Variants in EXOSC10 observed in about 807,000 individuals in gnomAD.
EXOSC10 encodes exosome component 10.
Under a neutral mutation model 126.6 loss-of-function variants are expected in EXOSC10, and 94 were observed. That is an observed-to-expected ratio of 0.74 (90% CI 0.63 to 0.88). The LOEUF (loss-of-function observed/expected upper bound fraction) is 0.88. Among genes scored for constraint, EXOSC10 ranks in the 40% least tolerant of loss-of-function variants. The pLI is 0.00. For synonymous variants in EXOSC10, 395 were observed against 400.8 expected, an observed-to-expected ratio of 0.99 and a Z score of 0.17; for missense variants, 1,041 against 1,100.5, an observed-to-expected ratio of 0.95 and a Z score of 0.77.
At chr1:11,086,147 G>C (rs1640482217) in intron 9 of EXOSC10, among the ~76,000 whole-genome samples, 2 of 151,338 alleles carry the variant, frequency 1.3e-5, no homozygotes, top group African/African-American at 4.9e-5. Context: ...AAATGAGTTA[G>C]GGAGGATTCC....
chr1:11,082,637 A>G, intron 10 of EXOSC10, 51 bp downstream of exon 10: 2 of 1,606,334 alleles, frequency 1.2e-6, no homozygotes, highest in Non-Finnish European at 1.7e-6. Context: ...CAGGTTAATG[A>G]ATAATCACTT....
chr1:11,066,855 G>A, intron 24 of EXOSC10, 107 bp from the exon 25 acceptor site: 1 of 1,379,346 alleles, frequency 7.2e-7, no homozygotes. Context: ...GAGGAAGAAT[G>A]GTTTGCTCAG....
rs919775002 is a variant in EXOSC10 at position 11,079,350 on chromosome 1, C to CA, written c.1749+360dup. Among the ~76,000 whole-genome samples the CA allele has an allele frequency of 1.6e-3, 221 of 134,996 alleles. 2 individuals carry two copies. Among genetic ancestry groups the CA allele is most frequent in the African/African-American group, 4.3e-3 (161 of 37,026 alleles). 88.6% of individuals were successfully genotyped at this position (134,996 alleles called of 152,430 possible). ...CTAAAAAAAACAAAAAACAAACAAA[C>CA]AAAAAAAAAACAGGCTTGCTAAGTT... is the stretch of plus-strand genomic sequence containing the variant. On this transcript the variant is annotated intron_variant, in intron 14 of 24. Coordinates refer to ENST00000376936, the MANE Select transcript of EXOSC10 (RefSeq NM_001001998.3).
chr1:11,070,610 CACA>C (rs749434658), intron 21 of EXOSC10: 14 of 317,188 alleles, frequency 4.4e-5, no homozygotes, highest in Non-Finnish European at 7.5e-5. Context: ...CAGCAGGACA[CACA>C]ACAAGCTTCA....
At chr1:11,066,962 G>A (rs1260996608) in intron 24 of EXOSC10, among the ~76,000 whole-genome samples, 1 of 152,200 alleles carries the variant, frequency 6.6e-6, no homozygotes, top group Admixed American at 6.5e-5. Context: ...CAAGTCCCCT[G>A]ACCTCAGGGT....
intron 6 of EXOSC10, among the ~76,000 whole-genome samples, chr1:11,089,222 T>TAAAAAAAAAAAAA (rs533212430): frequency 6.0e-5 from 3 of 49,712 alleles, no homozygotes; most frequent in African/African-American, 1.7e-4. Context: ...AGAGCAAAAC[T>TAAAAAAAAAAAAA]AAAAAAAAAA....
At chr1:11,077,011 G>T in intron 16 of EXOSC10, 63 bp from the exon 17 acceptor site, 1 of 1,357,978 alleles carries the variant, frequency 7.4e-7, no homozygotes, top group Non-Finnish European at 1.0e-6. Flanking sequence ...TTCTTTTTGA[G>T]ATGGAGTTTT....
At chr1:11,068,135 T>C in intron 23 of EXOSC10, 51 bp from the exon 24 acceptor site, 1 of 1,505,824 alleles carries the variant, frequency 6.6e-7, no homozygotes, top group Non-Finnish European at 9.2e-7. Context: ...GACCACAAGA[T>C]ACACAGAAAA....
At chr1:11,072,525 A>C (rs1417109366) in intron 19 of EXOSC10, 1 of 190,840 alleles carries the variant, frequency 5.2e-6, no homozygotes, top group East Asian at 1.4e-4. Context: ...AAATGACAGA[A>C]GCAGACTCAA....
rs775396880 is a variant in EXOSC10 at position 11,074,260 on chromosome 1, T to G, written c.2053A>C (p.Met685Leu). 1.9e-6 allele frequency: 3 copies of G among 1,614,120 alleles called. No individual in the cohort carries two copies. The South Asian group carries it at 3.3e-5, about 18-fold the overall frequency. ...TVAQKKAQNI[M>L]ESFENPFRMF... is the part of the protein sequence containing the mutation. ...CTAAATGGATTTTCAAAGGACTCCA[T>G]GATGTTCTGGGCTTTTTTCTGTGCA... The change falls in exon 18 of 25, where the codon ATG becomes CTG. Residue 685 changes from methionine (M) to leucine (L), a missense_variant. Physicochemically the swap from Met to Leu is conservative, Grantham distance 15. This residue lies in a region of EXOSC10 where 388 missense variants were observed against 415.2 expected (regional missense o/e 0.93). Transcript: ENST00000376936.
chr1:11,074,200 T>C (rs375285867), intron 18 of EXOSC10, 31 bp downstream of exon 18: 157 of 1,551,856 alleles, frequency 1.0e-4, no homozygotes, highest in Non-Finnish European at 1.3e-4. Flanking sequence ...TCTCTGCATA[T>C]CCTGTCAGCC....
In EXOSC10 at chr1:11,095,879, A is replaced by G; in HGVS notation, c.251T>C (p.Met84Thr). Residue 84 changes from methionine (M) to threonine (T), a missense_variant and splice_region_variant, in exon 3 of 25, where the codon ATG becomes ACG. Met to Thr is a moderately conservative substitution (Grantham distance 81). Transcript: ENST00000376936. The part of the protein sequence containing the change: ...ETQGDRLLQC[M>T]SRVMQYHGCR... ...CCCATGGTACTGCATTACTCTGCTC[A>G]TGCTAAGGAAAGGAAAACCAAGGTT... The G allele has an allele frequency of 6.2e-7, 1 of 1,610,260 alleles. No homozygotes were observed. The highest frequency in any genetic ancestry group is 8.5e-7 in the Non-Finnish European group (1 of 1,177,484).
At chr1:11,075,853 C>CAAAAAAAAAAAAA (rs58667041) in intron 17 of EXOSC10, among the ~76,000 whole-genome samples, 1 of 35,122 alleles carries the variant, frequency 2.8e-5, no homozygotes, top group African/African-American at 1.3e-4. Flanking sequence ...GATCCTGTCA[C>CAAAAAAAAAAAAA]AAAAAAAAAA....
intron 6 of EXOSC10, 117 bp downstream of exon 6, chr1:11,090,437 T>C (rs1640738476): frequency 1.2e-6 from 1 of 816,108 alleles, no homozygotes; most frequent in Non-Finnish European, 2.1e-6. Context: ...CAGGTTGGGG[T>C]GTAAGGAGGA....
intron 22 of EXOSC10, 44 bp downstream of exon 22, chr1:11,069,515 G>A (rs2100943086): frequency 1.3e-6 from 2 of 1,594,540 alleles, no homozygotes; most frequent in Non-Finnish European, 1.7e-6. Flanking sequence ...CCTCCCCTCT[G>A]ACGCGCACAG....
At position 11,069,244 on chromosome 1, in the gene EXOSC10, T is replaced by A. The variant is rs114626501; in HGVS notation, c.2488+315A>T. 5.3e-3 allele frequency among the ~76,000 whole-genome samples: 615 copies of A among 116,884 alleles called. 13 individuals carry two copies. The highest frequency in any genetic ancestry group is 0.016 in the African/African-American group (575 of 36,960). The allele number at this position is 116,884 out of a possible 152,430, so 76.7% of individuals were successfully genotyped here. On this transcript the variant is annotated intron_variant, in intron 22 of 24. Coordinates refer to ENST00000376936, the MANE Select transcript of EXOSC10 (RefSeq NM_001001998.3). ...ACAAAATTCTGTGTGTGTGTGTGTG[T>A]GAGAGAGAGAGAGAGGGTTTATGGG... is the stretch of plus-strand genomic sequence containing the variant.
chr1:11,069,912 C>T (rs1454280938), intron 21 of EXOSC10, among the ~76,000 whole-genome samples, 182 bp from the exon 22 acceptor site: 1 of 152,160 alleles, frequency 6.6e-6, no homozygotes, highest in African/African-American at 2.4e-5. Context: ...AAACAAATTC[C>T]TCACTGGACA....
chr1:11,099,411 G>A (rs1431155099), intron 1 of EXOSC10, among the ~76,000 whole-genome samples: 1 of 152,238 alleles, frequency 6.6e-6, no homozygotes, highest in African/African-American at 2.4e-5. Flanking sequence ...GGTGGCTAGG[G>A]CGTGGCGAGC....
At chr1:11,070,718 T>C (rs1295365692) in intron 21 of EXOSC10, 182 bp downstream of exon 21, 1 of 587,770 alleles carries the variant, frequency 1.7e-6, no homozygotes, top group East Asian at 2.8e-5. Flanking sequence ...GGAATTACAA[T>C]ATCAATCTTG....
Sources: gnomAD v4.1 joint callset for allele counts (sites outside exome capture counted in the v4.1 genomes callset) on GRCh38, gnomAD v4.1.1 for gene constraint, gnomAD v4.1.1 regional missense constraint, MANE v1.5 for transcripts, NCBI Gene and HGNC (gene_info 2026-07-23, HGNC 2026-07-21) for gene names.